SGCZ: variants seen among roughly 807,000 people sequenced by gnomAD.
SGCZ encodes the protein zeta-sarcoglycan.
Under a neutral mutation model 41.3 loss-of-function variants are expected in SGCZ, and 40 were observed. The ratio of observed to expected loss-of-function variants is 0.97; its 90% confidence interval spans 0.75 to 1.26. The LOEUF (loss-of-function observed/expected upper bound fraction) is 1.26. SGCZ is among the 50% of genes most tolerant of loss of function. SGCZ has a pLI of 0.00. For missense variants in SGCZ, 552 were observed against 369.8 expected (o/e 1.49, Z -4.04); for synonymous variants, 206 against 137.5 (o/e 1.50, Z -3.49).
chr8:14,486,184 T>C (rs994928531), intron 2 of SGCZ, among the ~76,000 whole-genome samples: 1 of 152,216 alleles, frequency 6.6e-6, no homozygotes, highest in Non-Finnish European at 1.5e-5. Context: ...CACTATCTTT[T>C]GGTTGCCATT....
chr8:14,464,953 G>T (rs769748862), intron 2 of SGCZ, among the ~76,000 whole-genome samples: 10 of 151,450 alleles, frequency 6.6e-5, no homozygotes, highest in East Asian at 1.9e-4. Flanking sequence ...ACTTTTTATG[G>T]TATCTATATT....
At chr8:14,505,235 A>G (rs1486329276) in intron 2 of SGCZ, among the ~76,000 whole-genome samples, 5 of 152,100 alleles carry the variant, frequency 3.3e-5, no homozygotes, top group Non-Finnish European at 5.9e-5. Flanking sequence ...GGTTTATTGA[A>G]GTTGTCAAGT....
intron 4 of SGCZ, among the ~76,000 whole-genome samples, chr8:14,192,098 T>A (rs182608449): frequency 1.3e-5 from 2 of 152,166 alleles, no homozygotes; most frequent in East Asian, 3.9e-4. Context: ...TCAAAGCACA[T>A]ATATATAAAG....
At chr8:14,592,123 G>A (rs780613705) in intron 1 of SGCZ, among the ~76,000 whole-genome samples, 1 of 152,072 alleles carries the variant, frequency 6.6e-6, no homozygotes, top group African/African-American at 2.4e-5. Flanking sequence ...CCACTTGTCT[G>A]TTTTGCTAAG....
intron 1 of SGCZ, among the ~76,000 whole-genome samples, chr8:14,608,832 T>C (rs750878784): frequency 6.6e-6 from 1 of 152,108 alleles, no homozygotes; most frequent in Non-Finnish European, 1.5e-5. Context: ...AAGTGTATCA[T>C]TTTAAGCTTT....
intron 1 of SGCZ, among the ~76,000 whole-genome samples, chr8:14,782,058 G>C (rs1800605939): frequency 6.6e-6 from 1 of 152,094 alleles, no homozygotes; most frequent in African/African-American, 2.4e-5. Context: ...TGACAAACTT[G>C]TACAATGTCC....
At chr8:14,541,892 C>G (rs112642671) in intron 2 of SGCZ, among the ~76,000 whole-genome samples, 2,775 of 152,144 alleles carry the variant, frequency 0.018, 76 homozygotes, top group African/African-American at 0.063. Flanking sequence ...TGATGATGAG[C>G]TTTTTTCCAT....
chr8:15,211,294 G>A (rs1181909654), intron 1 of SGCZ, among the ~76,000 whole-genome samples: 1 of 137,736 alleles, frequency 7.3e-6, no homozygotes, highest in African/African-American at 2.7e-5. Context: ...AAAAAAAAAA[G>A]TCCTTTACTT....
At chr8:14,608,062 G>C (rs1805809686) in intron 1 of SGCZ, among the ~76,000 whole-genome samples, 1 of 152,122 alleles carries the variant, frequency 6.6e-6, no homozygotes, top group Non-Finnish European at 1.5e-5. Context: ...AGCAGGAAAA[G>C]CATATCCTTA....
intron 1 of SGCZ, among the ~76,000 whole-genome samples, chr8:15,131,342 A>C (rs1209772310): frequency 6.6e-6 from 1 of 152,100 alleles, no homozygotes; most frequent in East Asian, 1.9e-4. Flanking sequence ...CTTGGCTCTC[A>C]TTCTCTCTTG....
chr8:14,799,355 G>T (rs975679497), intron 1 of SGCZ, among the ~76,000 whole-genome samples: 5 of 152,098 alleles, frequency 3.3e-5, no homozygotes, highest in African/African-American at 1.2e-4. Context: ...TTTAAATAAA[G>T]ATTCACTTTA....
chr8:14,292,847 T>A (rs1003783446), intron 3 of SGCZ, among the ~76,000 whole-genome samples: 1 of 151,948 alleles, frequency 6.6e-6, no homozygotes, highest in Admixed American at 6.6e-5. Context: ...CATAGAGTAA[T>A]CCCTCTGTCT....
chr8:14,595,695 C>G (rs999306646), intron 1 of SGCZ, among the ~76,000 whole-genome samples: 3 of 152,184 alleles, frequency 2.0e-5, no homozygotes, highest in African/African-American at 7.2e-5. Flanking sequence ...TTAACATCCT[C>G]TGCCCTGTCC....
intron 4 of SGCZ, among the ~76,000 whole-genome samples, chr8:14,191,452 T>C (rs1474826927): frequency 6.6e-6 from 1 of 152,238 alleles, no homozygotes; most frequent in African/African-American, 2.4e-5. Flanking sequence ...CTTCTAGGAA[T>C]TGCATGATTT....
intron 1 of SGCZ, among the ~76,000 whole-genome samples, chr8:14,688,698 G>A (rs1808699664): frequency 6.6e-6 from 1 of 152,084 alleles, no homozygotes; most frequent in Non-Finnish European, 1.5e-5. Flanking sequence ...GGTGCCATAT[G>A]AACTTTAAAG....
Position 14,085,144 on chromosome 8 carries a change from A to G in SGCZ, c.*5299T>C, listed in dbSNP as rs1408298665. Among the ~76,000 whole-genome samples the G allele has an allele frequency of 1.3e-5, 2 of 151,950 alleles. No homozygotes were observed. Among genetic ancestry groups the G allele is most frequent in the East Asian group, 3.9e-4 (2 of 5,140 alleles). On this transcript the variant is annotated 3_prime_UTR_variant, in exon 8 of 8. Coordinates refer to ENST00000382080, the MANE Select transcript of SGCZ (RefSeq NM_139167.4). ...GGGCAGACAGTCCATTTAAATAGAA[A>G]AAGTGATTTTACATAAAGCAAGATA...
intron 1 of SGCZ, among the ~76,000 whole-genome samples, chr8:14,564,532 T>A (rs1196038593): frequency 5.3e-5 from 8 of 152,148 alleles, no homozygotes; most frequent in Non-Finnish European, 1.2e-4. Context: ...ATAAAGGCAA[T>A]CTGGGAGTAG....
chr8:15,195,901 T>TC, intron 1 of SGCZ, among the ~76,000 whole-genome samples: 1 of 125,352 alleles, frequency 8.0e-6, no homozygotes, highest in African/African-American at 3.1e-5. Flanking sequence ...TTTTTTTTTT[T>TC]TTTTTTTTTT....
intron 7 of SGCZ, among the ~76,000 whole-genome samples, chr8:14,100,316 T>A (rs1258390243): frequency 6.6e-6 from 1 of 151,320 alleles, no homozygotes; most frequent in Non-Finnish European, 1.5e-5. Flanking sequence ...AAAGAACATA[T>A]GTAAATGATT....
Sources: gnomAD v4.1 joint callset for allele counts (sites outside exome capture counted in the v4.1 genomes callset) on GRCh38, gnomAD v4.1.1 for gene constraint, MANE v1.5 for transcripts, NCBI Gene and HGNC (gene_info 2026-07-23, HGNC 2026-07-21) for gene names.